The following HUNK variants were observed in gnomAD, a reference collection of about 807,000 sequenced individuals.
The protein encoded by HUNK is hormonally up-regulated Neu-associated kinase.
HUNK carries 21 observed loss-of-function variants against 61.0 expected under a neutral mutation model. The ratio of observed to expected loss-of-function variants is 0.34; its 90% CI spans 0.24 to 0.50. The LOEUF (loss-of-function observed/expected upper bound fraction) is 0.50, where lower values mean the gene tolerates loss of function less well. Ranked by LOEUF, HUNK falls within the 20% of genes least tolerant of loss-of-function variation. HUNK has a pLI of 0.98. For missense variants in HUNK, 772 were observed against 945.7 expected, an observed-to-expected ratio of 0.82 and a Z score of 2.41; for synonymous variants, 371 against 386.1, an observed-to-expected ratio of 0.96 and a Z score of 0.46.
chr21:31,887,826 T>G (rs2052358015), intron 1 of HUNK, among the ~76,000 whole-genome samples: 1 of 152,188 alleles, frequency 6.6e-6, no homozygotes, highest in African/African-American at 2.4e-5. Context: ...TCTTAGCGAT[T>G]CCCTTGTCTA....
chr21:31,969,368 A>C (rs963640281), intron 6 of HUNK, among the ~76,000 whole-genome samples: 2 of 152,164 alleles, frequency 1.3e-5, no homozygotes, highest in South Asian at 2.1e-4. Context: ...AAGGAAAGGC[A>C]TAGGAGTCAT....
Position 31,924,772 on chromosome 21 carries a change from G to GCCA in HUNK, c.554+14_554+16dup, listed in dbSNP as rs1423275586. ...GGGGTGGTCCACAGGTAAGGGCCAG[G>GCCA]CCACGCTGGTGATCGCTGACTGTGT... On this transcript the variant is annotated intron_variant, in intron 2 of 10. Coordinates refer to ENST00000270112, the MANE Select transcript of HUNK (RefSeq NM_014586.2). This position sits in a 1 kb window ranked among gnomAD's most constrained non-coding sequence, Gnocchi z 5.1. 6.3e-7 allele frequency: 1 copy of GCCA among 1,581,554 alleles called. No individual in the cohort carries two copies. The highest frequency in any genetic ancestry group is 1.3e-5 in the African/African-American group (1 of 74,216).
At chr21:31,986,099 C>A (rs2053130709) in intron 8 of HUNK, among the ~76,000 whole-genome samples, 1 of 152,098 alleles carries the variant, frequency 6.6e-6, no homozygotes, top group Non-Finnish European at 1.5e-5. Context: ...CAGATGCCCC[C>A]TGAACTCTAG....
intron 5 of HUNK, among the ~76,000 whole-genome samples, chr21:31,964,460 G>T (rs954011013): frequency 2.6e-4 from 39 of 152,228 alleles, no homozygotes; most frequent in Non-Finnish European, 4.6e-4. Context: ...ATGAAAGAAA[G>T]TGGGGTTTGC....
intron 8 of HUNK, among the ~76,000 whole-genome samples, chr21:31,986,447 G>T (rs1356001039): frequency 6.6e-6 from 1 of 151,962 alleles, no homozygotes. Flanking sequence ...CGACTCTCTT[G>T]CTTCCGGGAT....
intron 1 of HUNK, among the ~76,000 whole-genome samples, chr21:31,900,883 G>A (rs890884937): frequency 3.9e-5 from 6 of 152,102 alleles, no homozygotes; most frequent in East Asian, 1.9e-4. Context: ...TTAGAACAAC[G>A]GAAACTGTCT....
chr21:31,947,345 G>A (rs926801859), intron 4 of HUNK, among the ~76,000 whole-genome samples: 2 of 142,934 alleles, frequency 1.4e-5, no homozygotes, highest in African/African-American at 5.4e-5. Context: ...TGGCGCCTGC[G>A]CATTCCCACA....
intron 5 of HUNK, among the ~76,000 whole-genome samples, chr21:31,962,937 A>G (rs753093280): frequency 6.6e-6 from 1 of 152,182 alleles, no homozygotes; most frequent in Non-Finnish European, 1.5e-5. Flanking sequence ...GTCCTGACCC[A>G]GTAGGGCCCA....
At chr21:31,934,933 G>A (rs975012440) in intron 2 of HUNK, among the ~76,000 whole-genome samples, 4 of 152,046 alleles carry the variant, frequency 2.6e-5, no homozygotes, top group Admixed American at 6.5e-5. Context: ...GTTTGGTTAC[G>A]TGTCTTTGCG....
intron 1 of HUNK, among the ~76,000 whole-genome samples, chr21:31,917,695 TACACACACACACACACACACACACACAC>T (rs3056146): frequency 9.5e-5 from 9 of 94,952 alleles, no homozygotes; most frequent in South Asian, 5.1e-4. Context: ...TTCCCAAACA[TACACACACACACACACACACACACACAC>T]ACACACACAC....
At chr21:31,935,964 T>A (rs1015706786) in intron 2 of HUNK, among the ~76,000 whole-genome samples, 2 of 152,062 alleles carry the variant, frequency 1.3e-5, no homozygotes, top group Non-Finnish European at 2.9e-5. Flanking sequence ...GCCTGGCTAA[T>A]TTTTGTATTT....
intron 1 of HUNK, among the ~76,000 whole-genome samples, chr21:31,901,799 A>C (rs1446457610): frequency 2.0e-5 from 3 of 152,048 alleles, no homozygotes; most frequent in East Asian, 1.9e-4. Flanking sequence ...GGAGAGTAAG[A>C]TGTTTTTGTT....
intron 5 of HUNK, among the ~76,000 whole-genome samples, chr21:31,967,046 A>T (rs1380596103): frequency 2.6e-5 from 4 of 152,162 alleles, no homozygotes; most frequent in Non-Finnish European, 2.9e-5. Flanking sequence ...ACAATTTTGC[A>T]GCCTTAGAAG....
intron 7 of HUNK, 92 bp from the exon 8 acceptor site, chr21:31,983,434 C>A: frequency 1.0e-6 from 1 of 990,288 alleles, no homozygotes; most frequent in Non-Finnish European, 1.6e-6. Flanking sequence ...AGCATTCTCT[C>A]AGCCAAGCGC....
intron 1 of HUNK, among the ~76,000 whole-genome samples, chr21:31,920,551 C>T (rs2052615709): frequency 6.6e-6 from 1 of 152,214 alleles, no homozygotes. Flanking sequence ...TTTCAGCATT[C>T]TTTTTTCTCC....
chr21:31,937,879 A>G (rs2052742526), intron 2 of HUNK, among the ~76,000 whole-genome samples: 1 of 152,246 alleles, frequency 6.6e-6, no homozygotes. Context: ...CTATATTTGG[A>G]CACGTGATAT....
chr21:31,954,777 CT>C (rs2052876548), intron 4 of HUNK, among the ~76,000 whole-genome samples: 1 of 151,592 alleles, frequency 6.6e-6, no homozygotes, highest in African/African-American at 2.4e-5. Flanking sequence ...CGTTTTCTTT[CT>C]TTTTCTTTTC....
intron 7 of HUNK, among the ~76,000 whole-genome samples, chr21:31,979,664 T>C (rs962741264): frequency 5.3e-5 from 8 of 150,904 alleles, no homozygotes; most frequent in Non-Finnish European, 1.0e-4. Flanking sequence ...TACAGGCACC[T>C]GCCACCTCAC....
At chr21:31,939,221 A>G (rs960073380) in intron 2 of HUNK, among the ~76,000 whole-genome samples, 4 of 151,850 alleles carry the variant, frequency 2.6e-5, no homozygotes, top group Non-Finnish European at 4.4e-5. Context: ...TAAAGTTAAC[A>G]TGTTCTCGGG....
Sources: allele counts gnomAD v4.1 joint callset (sites outside exome capture counted in the v4.1 genomes callset), GRCh38; gene constraint gnomAD v4.1.1; non-coding constraint Gnocchi (gnomAD v3.1); transcripts MANE v1.5; gene names NCBI Gene and HGNC (gene_info 2026-07-23, HGNC 2026-07-21).